Variants in DISC1 observed in about 807,000 individuals in gnomAD.
DISC1 encodes DISC1 scaffold protein, also known as disrupted in schizophrenia 1 protein.
In DISC1, 57 loss-of-function variants were observed where a neutral mutation model predicts 84.5. That is an observed-to-expected ratio of 0.67 (90% confidence interval 0.55 to 0.84). The LOEUF (loss-of-function observed/expected upper bound fraction) is 0.84. Ranked by LOEUF, DISC1 falls within the 40% of genes least tolerant of loss-of-function variation. The pLI is 0.00. For missense variants in DISC1, 1,000 were observed against 1,057.8 expected (o/e 0.95, Z 0.76); for synonymous variants, 411 against 415.2 (o/e 0.99, Z 0.12).
chr1:231,768,454 T>C (rs1306418741), intron 5 of DISC1, among the ~76,000 whole-genome samples: 4 of 152,248 alleles, frequency 2.6e-5, no homozygotes, highest in African/African-American at 9.6e-5. Context: ...ACAGTCAATG[T>C]GCATCATTAT....
intron 9 of DISC1, among the ~76,000 whole-genome samples, chr1:231,880,025 A>G (rs1254273051): frequency 2.0e-5 from 3 of 152,174 alleles, no homozygotes; most frequent in Admixed American, 1.3e-4. Flanking sequence ...TTAATCCCCA[A>G]TGTGGCAGTA....
chr1:231,638,356 T>TTTG (rs916510540), intron 1 of DISC1, among the ~76,000 whole-genome samples: 6 of 152,130 alleles, frequency 3.9e-5, no homozygotes, highest in African/African-American at 9.7e-5. Flanking sequence ...CCTATGCTTT[T>TTTG]TTGTTGTTGT....
intron 6 of DISC1, among the ~76,000 whole-genome samples, chr1:231,786,015 A>G (rs1029643346): frequency 2.6e-5 from 4 of 152,036 alleles, no homozygotes; most frequent in African/African-American, 9.7e-5. Context: ...TCTATTATCT[A>G]TTATATTTCT....
intron 3 of DISC1, among the ~76,000 whole-genome samples, chr1:231,738,661 C>G (rs2072841738): frequency 6.6e-6 from 1 of 152,112 alleles, no homozygotes; most frequent in South Asian, 2.1e-4. Context: ...TCCCATGTTT[C>G]CTTTGATATC....
chr1:232,023,565 A>G, intron 11 of DISC1, among the ~76,000 whole-genome samples: 1 of 152,184 alleles, frequency 6.6e-6, no homozygotes, highest in East Asian at 1.9e-4. Context: ...TGCTTTCCAA[A>G]ATTTATGCCA....
At chr1:231,700,592 A>G (rs2066289169) in intron 2 of DISC1, among the ~76,000 whole-genome samples, 1 of 152,160 alleles carries the variant, frequency 6.6e-6, no homozygotes. Flanking sequence ...CAGATTTTCA[A>G]CTGTATAGGG....
chr1:231,967,937 T>C (rs1454326768), intron 10 of DISC1, among the ~76,000 whole-genome samples: 1 of 152,164 alleles, frequency 6.6e-6, no homozygotes, highest in African/African-American at 2.4e-5. Context: ...GGAAAAACAT[T>C]AGTAACACTT....
intron 9 of DISC1, among the ~76,000 whole-genome samples, chr1:231,844,593 G>A (rs1445070342): frequency 6.6e-6 from 1 of 152,110 alleles, no homozygotes; most frequent in Non-Finnish European, 1.5e-5. Flanking sequence ...AAGCAAGTTG[G>A]GCGGGCAGGG....
At chr1:231,728,750 T>C (rs1186552356) in intron 3 of DISC1, among the ~76,000 whole-genome samples, 1 of 152,240 alleles carries the variant, frequency 6.6e-6, no homozygotes, top group African/African-American at 2.4e-5. Context: ...CTGCATGGCA[T>C]CTGAGGAGTT....
intron 6 of DISC1, among the ~76,000 whole-genome samples, chr1:231,780,265 TG>T (rs1558532190): frequency 3.6e-5 from 5 of 138,198 alleles, no homozygotes; most frequent in African/African-American, 1.3e-4. Context: ...AAGGAAAGAA[TG>T]AAAAAAAAAA....
At chr1:231,942,072 G>C (rs201830248) in intron 9 of DISC1, among the ~76,000 whole-genome samples, 191 of 152,268 alleles carry the variant, frequency 1.3e-3, no homozygotes, top group Non-Finnish European at 2.5e-3. Context: ...GAGGTAACCA[G>C]GGGATGAGGG....
At chr1:231,680,505 T>A (rs928682060) in intron 1 of DISC1, among the ~76,000 whole-genome samples, 1 of 152,174 alleles carries the variant, frequency 6.6e-6, no homozygotes, top group African/African-American at 2.4e-5. Context: ...TTCTTTTAAT[T>A]CCCTCATACC....
rs930851845 is a variant in DISC1, at chr1:231,906,983, T to C, written c.1982-51845T>C. On this transcript the variant is annotated intron_variant, in intron 9 of 12. Coordinates refer to ENST00000439617, the MANE Select transcript of DISC1 (RefSeq NM_018662.3). ...CTTTCTTTCTTTCTCTTTCTTTTCTTTCTTTTCTTTCTTTCTTTCTCTCTC... is the reference window on the plus strand; with the variant it reads ...CTTTCTTTCTTTCTCTTTCTTTTCTCTCTTTTCTTTCTTTCTTTCTCTCTC... Among the ~76,000 whole-genome samples, 3 of 140,774 alleles carry C rather than the reference T, an allele frequency of 2.1e-5. No individual in the cohort carries two copies. The South Asian group carries it at 7.1e-4, about 33-fold the overall frequency. The allele number at this position is 140,774 out of a possible 152,430, so 92.4% of individuals were successfully genotyped here.
At chr1:231,866,176 C>A (rs1314699234) in intron 9 of DISC1, among the ~76,000 whole-genome samples, 2 of 152,098 alleles carry the variant, frequency 1.3e-5, no homozygotes. Context: ...AAGTCTACCC[C>A]CTGCACGTGC....
intron 8 of DISC1, chr1:231,815,240 T>C (rs2125732504): frequency 6.6e-6 from 1 of 152,298 alleles, no homozygotes; most frequent in East Asian, 1.9e-4. Context: ...CTTAAGTGTT[T>C]ACAGTTCTTG....
intron 9 of DISC1, among the ~76,000 whole-genome samples, chr1:231,863,033 C>T (rs1250131763): frequency 1.3e-5 from 2 of 151,918 alleles, no homozygotes; most frequent in East Asian, 1.9e-4. Flanking sequence ...ATAATAAAGT[C>T]GGTCACCCCA....
chr1:231,701,854 G>T (rs1056879387), intron 2 of DISC1, 101 bp from the exon 3 acceptor site: 3 of 983,142 alleles, frequency 3.1e-6, no homozygotes, highest in South Asian at 1.8e-5. Flanking sequence ...GAATGAAGAA[G>T]TTCAGTTTTG....
intron 3 of DISC1, among the ~76,000 whole-genome samples, chr1:231,705,321 T>TA (rs5781665): frequency 0.58 from 60,150 of 103,978 alleles, 17,692 homozygotes; most frequent in African/African-American, 0.75. Context: ...AAAAAATCAT[T>TA]AAAAAAAAAA....
intron 9 of DISC1, among the ~76,000 whole-genome samples, chr1:231,827,677 T>A (rs2081957198): frequency 6.6e-6 from 1 of 152,226 alleles, no homozygotes; most frequent in Non-Finnish European, 1.5e-5. Flanking sequence ...CTGCCCTGAC[T>A]GCTTTGAGGA....
Sources: allele counts gnomAD v4.1 joint callset (sites outside exome capture counted in the v4.1 genomes callset), GRCh38; gene constraint gnomAD v4.1.1; transcripts MANE v1.5; gene names NCBI Gene and HGNC (gene_info 2026-07-23, HGNC 2026-07-21).